The following GRM5 variants were observed in gnomAD, a reference collection of about 807,000 sequenced individuals.
GRM5 encodes the protein metabotropic glutamate receptor 5.
Under a neutral mutation model 83.1 loss-of-function variants are expected in GRM5, and 19 were observed. The ratio of observed to expected loss-of-function variants is 0.23; its 90% CI spans 0.16 to 0.34. The LOEUF (loss-of-function observed/expected upper bound fraction) is 0.34, where lower values mean the gene tolerates loss of function less well. GRM5 is among the 10% of genes least tolerant of loss of function. The pLI is 1.00. For missense variants in GRM5, 1,160 were observed against 1,588.3 expected, an observed-to-expected ratio of 0.73 and a Z score of 4.58; for synonymous variants, 675 against 633.6, an observed-to-expected ratio of 1.07 and a Z score of -0.98.
At chr11:88,723,091 T>G (rs1192363453) in intron 3 of GRM5, among the ~76,000 whole-genome samples, 1 of 152,140 alleles carries the variant, frequency 6.6e-6, no homozygotes, top group African/African-American at 2.4e-5. Flanking sequence ...ATAGTTTTTC[T>G]TTATTCAGAA....
At chr11:89,062,433 G>A (rs981727064) in intron 1 of GRM5, among the ~76,000 whole-genome samples, 26 of 152,198 alleles carry the variant, frequency 1.7e-4, no homozygotes, top group African/African-American at 6.0e-4. Flanking sequence ...CCCAGGATTA[G>A]AGACACAAAT....
At chr11:88,925,668 T>G (rs528637) in intron 2 of GRM5, 130,249 of 434,654 alleles carry the variant, frequency 0.3, 21,141 homozygotes, top group Non-Finnish European at 0.36. Context: ...TCCCAGCAAT[T>G]TGGAAGGCTG....
At chr11:88,558,895 G>A (rs1209363003) in intron 8 of GRM5, among the ~76,000 whole-genome samples, 2 of 150,056 alleles carry the variant, frequency 1.3e-5, no homozygotes, top group Non-Finnish European at 3.0e-5. Context: ...ATTTTTTTAA[G>A]TTTGTGGGAC....
intron 1 of GRM5, among the ~76,000 whole-genome samples, chr11:89,063,862 C>T (rs543856674): frequency 2.0e-5 from 3 of 152,308 alleles, no homozygotes; most frequent in East Asian, 1.9e-4. Context: ...TCAACAGATG[C>T]TCACATGGCA....
intron 8 of GRM5, among the ~76,000 whole-genome samples, chr11:88,532,899 T>C (rs1942046491): frequency 6.6e-6 from 1 of 152,154 alleles, no homozygotes; most frequent in Non-Finnish European, 1.5e-5. Context: ...GCAGGCTCCA[T>C]CTGCAAAACA....
chr11:88,581,502 G>T (rs940967965), intron 7 of GRM5, among the ~76,000 whole-genome samples: 2 of 152,158 alleles, frequency 1.3e-5, no homozygotes, highest in African/African-American at 4.8e-5. Context: ...ACTCTTAGAA[G>T]AAAATAAAGA....
At chr11:88,754,137 C>A (rs1396865392) in intron 3 of GRM5, among the ~76,000 whole-genome samples, 3 of 152,102 alleles carry the variant, frequency 2.0e-5, no homozygotes, top group African/African-American at 7.2e-5. Context: ...TTTTCAGGGA[C>A]ATGGATGGAT....
chr11:88,882,280 A>C (rs1454876238), intron 2 of GRM5, among the ~76,000 whole-genome samples: 1 of 149,696 alleles, frequency 6.7e-6, no homozygotes. Context: ...AATAAAAAGA[A>C]AAATATCATG....
rs555247412 is a variant in GRM5, at chr11:88,605,501, A to G, written c.1148-537T>C. Among the ~76,000 whole-genome samples the G allele has an allele frequency of 2.6e-5, 4 of 152,272 alleles. No individual in the cohort carries two copies. The South Asian group carries it at 6.2e-4, about 24-fold the overall frequency. Reference sequence around the variant, plus strand: ...CTGGCCTATTTGAAAGTTATAAAATATAACATTTAAACTCCTTTAATTCAT... The same window carrying G: ...CTGGCCTATTTGAAAGTTATAAAATGTAACATTTAAACTCCTTTAATTCAT... On this transcript the variant is annotated intron_variant, in intron 4 of 9. Transcript: ENST00000305447.
chr11:88,712,621 G>C (rs1369575880), intron 3 of GRM5, among the ~76,000 whole-genome samples: 1 of 151,962 alleles, frequency 6.6e-6, no homozygotes, highest in Non-Finnish European at 1.5e-5. Flanking sequence ...GGGTTAAAAT[G>C]GTCTTATAAT....
chr11:88,952,363 T>C (rs1173424521), intron 2 of GRM5, among the ~76,000 whole-genome samples: 1 of 152,242 alleles, frequency 6.6e-6, no homozygotes, highest in Non-Finnish European at 1.5e-5. Context: ...GTATAGATTG[T>C]AATCCCTGTT....
At position 88,886,415 on chromosome 11, in the gene GRM5, C is replaced by G. The variant is rs555061049; in HGVS notation, c.662-36260G>C. ...AGGCCCTTGGCTTCCATTTTAGAAC[C>G]AGATCAAACCAAATACGGGGCCCCT... On this transcript the variant is annotated intron_variant, in intron 2 of 9. Transcript: ENST00000305447. 6.6e-5 allele frequency among the ~76,000 whole-genome samples: 10 copies of G among 152,230 alleles called. 1 individual carries two copies. Among genetic ancestry groups the G allele is most frequent in the African/African-American group, 2.2e-4 (9 of 41,542 alleles).
At chr11:88,838,084 C>CAAAAAA (rs1157680177) in intron 3 of GRM5, among the ~76,000 whole-genome samples, 9,367 of 55,410 alleles carry the variant, frequency 0.17, 2,388 homozygotes, top group Non-Finnish European at 0.25. Flanking sequence ...GACTCCATCT[C>CAAAAAA]AAAAAAAAAA....
At chr11:88,899,439 A>G (rs1945283374) in intron 2 of GRM5, among the ~76,000 whole-genome samples, 1 of 152,046 alleles carries the variant, frequency 6.6e-6, no homozygotes, top group South Asian at 2.1e-4. Context: ...GAAGTGGATA[A>G]TTCTGGAAGA....
At chr11:89,005,323 G>C (rs1262573260) in intron 2 of GRM5, among the ~76,000 whole-genome samples, 1 of 152,058 alleles carries the variant, frequency 6.6e-6, no homozygotes, top group African/African-American at 2.4e-5. Context: ...ATTTCATATC[G>C]GGAAGGAATT....
At chr11:88,695,112 C>T (rs997504233) in intron 3 of GRM5, among the ~76,000 whole-genome samples, 15 of 152,238 alleles carry the variant, frequency 9.9e-5, no homozygotes, top group African/African-American at 3.1e-4. Flanking sequence ...CTAGGTATGA[C>T]ATCTGACAAG....
At chr11:88,711,828 C>G (rs1450904463) in intron 3 of GRM5, among the ~76,000 whole-genome samples, 1 of 151,922 alleles carries the variant, frequency 6.6e-6, no homozygotes, top group Non-Finnish European at 1.5e-5. Context: ...CATCATATAA[C>G]TAGCCAATGT....
At chr11:88,746,208 A>C (rs1942137541) in intron 3 of GRM5, among the ~76,000 whole-genome samples, 1 of 152,118 alleles carries the variant, frequency 6.6e-6, no homozygotes, top group African/African-American at 2.4e-5. Flanking sequence ...CTCTCTAGGA[A>C]TAGCATCATC....
At chr11:88,894,775 C>T (rs1370386023) in intron 2 of GRM5, among the ~76,000 whole-genome samples, 1 of 151,878 alleles carries the variant, frequency 6.6e-6, no homozygotes, top group Admixed American at 6.6e-5. Flanking sequence ...AAGACAGAAT[C>T]CTTATGAATG....
Sources: allele counts gnomAD v4.1 joint callset (sites outside exome capture counted in the v4.1 genomes callset), GRCh38; gene constraint gnomAD v4.1.1; transcripts MANE v1.5; gene names NCBI Gene and HGNC (gene_info 2026-07-23, HGNC 2026-07-21).